The following SORCS3 variants were observed in gnomAD, a reference collection of about 807,000 sequenced individuals.
SORCS3 encodes sortilin related VPS10 domain containing receptor 3.
Under a neutral mutation model 146.3 loss-of-function variants are expected in SORCS3, and 57 were observed. The observed-to-expected ratio is 0.39, with a 90% confidence interval of 0.31 to 0.49. The LOEUF (loss-of-function observed/expected upper bound fraction) is 0.49, where lower values mean the gene tolerates loss of function less well. SORCS3 is among the 20% of genes least tolerant of loss of function. The probability of loss-of-function intolerance (pLI) is 0.92; values close to 1 mark genes in which losing one functional copy is unlikely to be tolerated. For missense variants in SORCS3, 1,341 were observed against 1,575.5 expected, an observed-to-expected ratio of 0.85 and a Z score of 2.52; for synonymous variants, 653 against 618.5, an observed-to-expected ratio of 1.06 and a Z score of -0.83.
At chr10:105,119,161 G>A (rs2055913572) in intron 7 of SORCS3, among the ~76,000 whole-genome samples, 1 of 152,204 alleles carries the variant, frequency 6.6e-6, no homozygotes, top group African/African-American at 2.4e-5. Context: ...AGCCATGGCT[G>A]AAAGGGACCA....
chr10:105,112,101 T>C (rs943221261), intron 7 of SORCS3, among the ~76,000 whole-genome samples: 1 of 152,254 alleles, frequency 6.6e-6, no homozygotes, highest in African/African-American at 2.4e-5. Context: ...TTTGTGTGAA[T>C]TTTAGCAGCT....
At chr10:104,957,036 T>C (rs2019500853) in intron 3 of SORCS3, among the ~76,000 whole-genome samples, 1 of 152,190 alleles carries the variant, frequency 6.6e-6, no homozygotes. Context: ...CCACCTTCTC[T>C]GGACAGAATG....
chr10:105,106,747 G>A (rs1028897426), intron 7 of SORCS3, among the ~76,000 whole-genome samples: 8 of 152,170 alleles, frequency 5.3e-5, no homozygotes, highest in Admixed American at 6.5e-5. Context: ...GAAACAGGAA[G>A]GTTCTGTGGC....
intron 5 of SORCS3, among the ~76,000 whole-genome samples, chr10:105,085,776 C>T (rs2055656242): frequency 6.6e-6 from 1 of 152,064 alleles, no homozygotes; most frequent in South Asian, 2.1e-4. Flanking sequence ...TAGAGCATTT[C>T]CCTGTTTGTG....
At chr10:105,252,394 G>A (rs1285527434) in intron 22 of SORCS3, among the ~76,000 whole-genome samples, 1 of 152,130 alleles carries the variant, frequency 6.6e-6, no homozygotes, top group African/African-American at 2.4e-5. Flanking sequence ...TCCCATGTTG[G>A]TTTATGACTT....
intron 1 of SORCS3, among the ~76,000 whole-genome samples, chr10:104,818,445 A>C (rs1463085731): frequency 1.4e-5 from 2 of 138,226 alleles, no homozygotes; most frequent in African/African-American, 2.7e-5. Context: ...CTAGCATGTG[A>C]ATCTTAAGAG....
At chr10:105,015,197 C>G (rs1333840763) in intron 4 of SORCS3, among the ~76,000 whole-genome samples, 2 of 151,714 alleles carry the variant, frequency 1.3e-5, no homozygotes, top group African/African-American at 4.8e-5. Flanking sequence ...ATTTGAACAA[C>G]TACTTTGGAG....
At chr10:105,097,697 A>G (rs1464457183) in intron 6 of SORCS3, among the ~76,000 whole-genome samples, 1 of 152,146 alleles carries the variant, frequency 6.6e-6, no homozygotes, top group Non-Finnish European at 1.5e-5. Flanking sequence ...ATCTTGTTAT[A>G]GAGTAAAATT....
chr10:104,794,094 T>A lies in SORCS3; in HGVS notation c.628-48698T>A, dbSNP rs140770562. On this transcript the variant is annotated intron_variant, in intron 1 of 26. Transcript: ENST00000369701. Reference sequence around the variant, plus strand: ...ATGGCAGAGGAAAGTCGCAGGCGGCTGCTGTTGTCTTTGGTGGCTTCCTCT... The same window carrying A: ...ATGGCAGAGGAAAGTCGCAGGCGGCAGCTGTTGTCTTTGGTGGCTTCCTCT... 3.2e-3 allele frequency among the ~76,000 whole-genome samples: 488 copies of A among 152,298 alleles called. 2 individuals are homozygous for A. Among genetic ancestry groups the A allele is most frequent in the Non-Finnish European group, 4.7e-3 (317 of 68,012 alleles).
chr10:104,771,391 G>A (rs2017248205), intron 1 of SORCS3, among the ~76,000 whole-genome samples: 1 of 152,202 alleles, frequency 6.6e-6, no homozygotes, highest in Non-Finnish European at 1.5e-5. Flanking sequence ...CAAGAGTAGA[G>A]GTGGCTCATG....
chr10:104,818,627 T>C (rs976283305), intron 1 of SORCS3, among the ~76,000 whole-genome samples: 4 of 152,154 alleles, frequency 2.6e-5, no homozygotes, highest in African/African-American at 9.6e-5. Flanking sequence ...TGCTTTTCTG[T>C]GCCTCCCTGT....
At chr10:105,213,719 A>T (rs1007535236) in intron 17 of SORCS3, among the ~76,000 whole-genome samples, 2 of 152,144 alleles carry the variant, frequency 1.3e-5, no homozygotes, top group Non-Finnish European at 2.9e-5. Flanking sequence ...ACAGAAGGTC[A>T]TAGTGCTTTG....
chr10:105,182,285 A>G (rs906914200), intron 14 of SORCS3, among the ~76,000 whole-genome samples: 5 of 130,686 alleles, frequency 3.8e-5, no homozygotes, highest in African/African-American at 1.5e-4. Context: ...ACTTTTTCAA[A>G]CTTGATTTTA....
Position 104,739,514 on chromosome 10 carries a change from C to T in SORCS3, c.627+97560C>T, listed in dbSNP as rs894269393. ...AAAGCACTCGGGAGAGGTGATAACCCTGTTATCTGTCTTCATCACCAACGA... is the reference window on the plus strand; with the variant it reads ...AAAGCACTCGGGAGAGGTGATAACCTTGTTATCTGTCTTCATCACCAACGA... On this transcript the variant is annotated intron_variant, in intron 1 of 26. Coordinates refer to ENST00000369701, the MANE Select transcript of SORCS3 (RefSeq NM_014978.3). 4.6e-5 allele frequency among the ~76,000 whole-genome samples: 7 copies of T among 152,116 alleles called. No individual in the cohort carries two copies. The South Asian group carries it at 1.0e-3, about 23-fold the overall frequency.
rs1186077156 is a variant in SORCS3, at chr10:105,157,203, C to G, written c.1548C>G (p.Ile516Met). 6.2e-7 allele frequency: 1 copy of G among 1,614,050 alleles called. No individual in the cohort carries two copies. The highest frequency in any genetic ancestry group is 1.1e-5 in the South Asian group (1 of 91,080). The stretch of plus-strand genomic sequence containing the variant: ...TGGACGACCAGGTGAAGACATACAT[C>G]ACTTACAACAAAGGCAGGGATTGGC... ...KKVDDQVKTY[I>M]TYNKGRDWRL... Residue 516 changes from isoleucine (I) to methionine (M), a missense_variant, in exon 10 of 27, where the codon ATC (isoleucine) becomes ATG (methionine). Physicochemically the swap from Ile to Met is conservative, Grantham distance 10. Transcript: ENST00000369701.
intron 5 of SORCS3, among the ~76,000 whole-genome samples, chr10:105,060,364 A>G (rs767329248): frequency 6.6e-5 from 10 of 152,304 alleles, no homozygotes; most frequent in South Asian, 2.1e-4. Context: ...CGATAAGCCT[A>G]GAAAAGAAGA....
intron 21 of SORCS3, among the ~76,000 whole-genome samples, chr10:105,246,860 T>C (rs1286856224): frequency 6.6e-6 from 1 of 152,212 alleles, no homozygotes; most frequent in East Asian, 1.9e-4. Flanking sequence ...AAAGACTCCA[T>C]TCCAACCAAG....
chr10:104,783,499 C>T (rs960290524), intron 1 of SORCS3, among the ~76,000 whole-genome samples: 11 of 152,018 alleles, frequency 7.2e-5, no homozygotes, highest in Admixed American at 2.0e-4. Context: ...GTTGGGGGAC[C>T]GAGGCGGGTG....
At chr10:105,178,522 G>A (rs1358565055) in intron 14 of SORCS3, among the ~76,000 whole-genome samples, 1 of 152,014 alleles carries the variant, frequency 6.6e-6, no homozygotes, top group East Asian at 1.9e-4. Flanking sequence ...AGGAGCAGGG[G>A]CAGGGATGGA....
Sources: gnomAD v4.1 joint callset for allele counts (sites outside exome capture counted in the v4.1 genomes callset) on GRCh38, gnomAD v4.1.1 for gene constraint, MANE v1.5 for transcripts, NCBI Gene and HGNC (gene_info 2026-07-23, HGNC 2026-07-21) for gene names.